The following CACNA2D1 variants were observed in gnomAD, a reference collection of about 807,000 sequenced individuals.
The protein encoded by CACNA2D1 is voltage-dependent calcium channel subunit alpha-2/delta-1.
In CACNA2D1, 53 loss-of-function variants were observed where a neutral mutation model predicts 171.5. The observed-to-expected ratio is 0.31, with a 90% CI of 0.25 to 0.39. CACNA2D1 has a LOEUF of 0.39. CACNA2D1 is among the 10% of genes least tolerant of loss of function. CACNA2D1 has a pLI of 1.00. For missense variants in CACNA2D1, 903 were observed against 1,299.8 expected (o/e 0.69, Z 4.69); for synonymous variants, 442 against 443.1 (o/e 1.00, Z 0.03).
At chr7:82,086,051 A>G (rs1351874642) in intron 6 of CACNA2D1, among the ~76,000 whole-genome samples, 1 of 152,144 alleles carries the variant, frequency 6.6e-6, no homozygotes, top group Non-Finnish European at 1.5e-5. Flanking sequence ...AGACAGGGCC[A>G]CTTTGCATTT....
chr7:82,365,596 T>A (rs964723279), intron 1 of CACNA2D1, among the ~76,000 whole-genome samples: 1 of 152,228 alleles, frequency 6.6e-6, no homozygotes, highest in Non-Finnish European at 1.5e-5. Flanking sequence ...AATGAATAGA[T>A]GGTGTTTTGT....
chr7:82,271,462 T>G (rs905688075), intron 3 of CACNA2D1, among the ~76,000 whole-genome samples: 1 of 152,158 alleles, frequency 6.6e-6, no homozygotes, highest in Non-Finnish European at 1.5e-5. Flanking sequence ...TGTATTCATT[T>G]TCTACCATCC....
chr7:81,959,680 A>T, intron 37 of CACNA2D1, 40 bp downstream of exon 37: 1 of 1,582,184 alleles, frequency 6.3e-7, no homozygotes, highest in Non-Finnish European at 8.7e-7. Context: ...ATGCATTAAG[A>T]TGGTTTTCCT....
chr7:81,954,152 T>C (rs903804050), intron 38 of CACNA2D1, among the ~76,000 whole-genome samples: 1 of 152,112 alleles, frequency 6.6e-6, no homozygotes, highest in Non-Finnish European at 1.5e-5. Flanking sequence ...GAACTCAGCA[T>C]TATTTCTGTC....
intron 3 of CACNA2D1, among the ~76,000 whole-genome samples, chr7:82,329,536 G>A (rs772817104): frequency 5.3e-5 from 8 of 152,094 alleles, no homozygotes; most frequent in Non-Finnish European, 1.2e-4. Flanking sequence ...TCAGAAGGCC[G>A]CATTGGAGGT....
intron 21 of CACNA2D1, among the ~76,000 whole-genome samples, chr7:81,986,478 T>G (rs2130689809): frequency 6.6e-6 from 1 of 152,248 alleles, no homozygotes; most frequent in South Asian, 2.1e-4. Context: ...CATCATTATA[T>G]ATTTTTATGG....
chr7:82,433,795 C>T (rs1213807673), intron 1 of CACNA2D1, among the ~76,000 whole-genome samples: 1 of 152,192 alleles, frequency 6.6e-6, no homozygotes. Context: ...TTCCCCTATC[C>T]AGGGTAATAG....
chr7:82,030,803 GTA>G (rs1269965581), intron 12 of CACNA2D1, among the ~76,000 whole-genome samples: 1 of 151,756 alleles, frequency 6.6e-6, no homozygotes, highest in Non-Finnish European at 1.5e-5. Flanking sequence ...AATTATCAGA[GTA>G]AGATTAATTT....
chr7:82,007,815 G>T, intron 15 of CACNA2D1, 59 bp from the exon 16 acceptor site: 1 of 971,794 alleles, frequency 1.0e-6, no homozygotes, highest in Non-Finnish European at 1.7e-6. Context: ...CTTTGTCAGA[G>T]TGCACTAACC....
chr7:82,191,691 C>T (rs1798312267), intron 3 of CACNA2D1, among the ~76,000 whole-genome samples: 2 of 151,740 alleles, frequency 1.3e-5, no homozygotes, highest in South Asian at 2.1e-4. Context: ...TAAATAATTT[C>T]CTTCCTCTCT....
chr7:82,110,227 C>T (rs1788214353), intron 6 of CACNA2D1, among the ~76,000 whole-genome samples: 2 of 152,156 alleles, frequency 1.3e-5, no homozygotes, highest in South Asian at 4.1e-4. Context: ...TCCCAAAATT[C>T]ATATGTTGAA....
chr7:82,373,108 C>T (rs1251901648), intron 1 of CACNA2D1, among the ~76,000 whole-genome samples: 2 of 152,138 alleles, frequency 1.3e-5, no homozygotes, highest in East Asian at 3.9e-4. Context: ...CGCTTGAACC[C>T]AGGAGGCAAA....
At chr7:82,023,826 C>T (rs943650184) in intron 12 of CACNA2D1, 1 of 151,692 alleles carries the variant, frequency 6.6e-6, no homozygotes, top group African/African-American at 2.4e-5. Context: ...CCCATTTCTC[C>T]CTTCTCCCCA....
chr7:82,013,326 C>T (rs1403121312), intron 14 of CACNA2D1, 135 bp downstream of exon 14: 3 of 250,470 alleles, frequency 1.2e-5, no homozygotes, highest in Non-Finnish European at 2.3e-5. Context: ...CAACAAGATA[C>T]TCAGTATTTT....
In CACNA2D1 at chr7:82,335,211, T is replaced by C. The variant is rs775842827; in HGVS notation, c.218A>G (p.Asn73Ser). 1.5e-5 allele frequency: 24 copies of C among 1,613,014 alleles called. No homozygotes were observed. Among genetic ancestry groups the C allele is most frequent in the Non-Finnish European group, 2.0e-5 (23 of 1,179,086 alleles). The change falls in exon 3 of 39, where the codon AAT (asparagine) becomes AGT (serine). Residue 73 changes from asparagine (N) to serine (S), a missense_variant. Around this residue, in one of 5 missense-constraint regions of CACNA2D1, gnomAD observed 189 missense variants for 266.8 expected, o/e 0.71. Transcript: ENST00000356860. ...KYQDLYTVEP[N>S]NARQLVEIAA... is the part of the protein sequence containing the mutation. ...AATTTCTACCAGCTGGCGTGCATTA[T>C]TTGGTTCCACAGTATACAAATCTTG...
At chr7:82,306,908 CT>C (rs1813812129) in intron 3 of CACNA2D1, among the ~76,000 whole-genome samples, 5 of 151,134 alleles carry the variant, frequency 3.3e-5, no homozygotes, top group Admixed American at 3.3e-4. Flanking sequence ...CTTAAAATCT[CT>C]CTTGGCAAAA....
intron 3 of CACNA2D1, among the ~76,000 whole-genome samples, chr7:82,245,543 T>C (rs948223414): frequency 6.6e-6 from 1 of 152,136 alleles, no homozygotes; most frequent in African/African-American, 2.4e-5. Context: ...ATCTGTTTTA[T>C]GAATACAAAA....
chr7:82,050,738 A>T (rs1025751669), intron 10 of CACNA2D1: 1 of 667,146 alleles, frequency 1.5e-6, no homozygotes, highest in South Asian at 1.6e-5. Context: ...TTGGAAGATG[A>T]CACTAAATAA....
intron 5 of CACNA2D1, among the ~76,000 whole-genome samples, chr7:82,128,173 G>T: frequency 6.6e-6 from 1 of 150,720 alleles, no homozygotes; most frequent in African/African-American, 2.4e-5. Context: ...CAAGTGTTCT[G>T]CCTGCCTCAG....
Sources: gnomAD v4.1 joint callset for allele counts (sites outside exome capture counted in the v4.1 genomes callset) on GRCh38, gnomAD v4.1.1 for gene constraint, gnomAD v4.1.1 regional missense constraint, MANE v1.5 for transcripts, NCBI Gene and HGNC (gene_info 2026-07-23, HGNC 2026-07-21) for gene names.